The following TOM1L2 variants were observed in gnomAD, a reference collection of about 807,000 sequenced individuals.
The protein encoded by TOM1L2 is target of myb1 like 2 membrane trafficking protein.
Under a neutral mutation model 67.9 loss-of-function variants are expected in TOM1L2, and 31 were observed. The ratio of observed to expected loss-of-function variants is 0.46; its 90% confidence interval spans 0.34 to 0.62. The LOEUF (loss-of-function observed/expected upper bound fraction) is 0.62. Among genes scored for constraint, TOM1L2 ranks in the 20% least tolerant of loss-of-function variants. The probability of loss-of-function intolerance (pLI) is 0.01; values close to 1 mark genes in which losing one functional copy is unlikely to be tolerated. For missense variants in TOM1L2, 606 were observed against 663.5 expected, an observed-to-expected ratio of 0.91 and a Z score of 0.95; for synonymous variants, 256 against 254.0, an observed-to-expected ratio of 1.01 and a Z score of -0.07.
intron 1 of TOM1L2, among the ~76,000 whole-genome samples, chr17:17,965,793 C>T (rs2041852173): frequency 6.6e-6 from 1 of 152,198 alleles, no homozygotes; most frequent in African/African-American, 2.4e-5. Flanking sequence ...CAGTCTCTGG[C>T]ACATAGGAAT....
At chr17:17,869,677 C>G in intron 7 of TOM1L2, 2 of 1,376,622 alleles carry the variant, frequency 1.5e-6, no homozygotes, top group Non-Finnish European at 9.4e-7. Context: ...AGTACTTTTT[C>G]AGCAGACAAA....
chr17:17,882,671 C>T (rs2037784774), intron 6 of TOM1L2, 34 bp downstream of exon 6: 1 of 1,605,320 alleles, frequency 6.2e-7, no homozygotes, highest in South Asian at 1.1e-5. Context: ...GGATAGTCAG[C>T]TGGCTTGCCT....
intron 1 of TOM1L2, among the ~76,000 whole-genome samples, chr17:17,908,026 C>T (rs1568235756): frequency 6.6e-6 from 1 of 152,168 alleles, no homozygotes; most frequent in Admixed American, 6.5e-5. Flanking sequence ...CAGTACTATA[C>T]AGGTATTTGC....
chr17:17,866,801 GGT>G, intron 9 of TOM1L2, 73 bp downstream of exon 9: 1 of 1,387,356 alleles, frequency 7.2e-7, no homozygotes, highest in Non-Finnish European at 1.0e-6. Context: ...AAAAACTGGA[GGT>G]CTCTCCAGCC....
chr17:17,848,763 C>T, intron 14 of TOM1L2, 60 bp downstream of exon 14: 1 of 1,567,038 alleles, frequency 6.4e-7, no homozygotes, highest in Non-Finnish European at 8.8e-7. Flanking sequence ...GGGGCTGGCT[C>T]CTGTGCAGCC....
At chr17:17,964,931 CA>C in intron 1 of TOM1L2, among the ~76,000 whole-genome samples, 1 of 152,268 alleles carries the variant, frequency 6.6e-6, no homozygotes, top group African/African-American at 2.4e-5. Context: ...CTTTCAATGT[CA>C]GGGGTTTTAA....
intron 1 of TOM1L2, among the ~76,000 whole-genome samples, chr17:17,915,841 GT>G (rs34675283): frequency 0.55 from 70,985 of 130,206 alleles, 20,683 homozygotes; most frequent in East Asian, 0.88. Context: ...AACTGAGTAG[GT>G]TTTTTTTTTT....
At position 17,869,351 on chromosome 17, in the gene TOM1L2, A is replaced by G; in HGVS notation, c.900T>C (p.Leu300=). ...AATCCGGCTCCCACCTCTCGTATCG[A>G]AGGAAGACGTTGTTGAGGTCATCGT... ...HVNDDLNNVF[L]RYERFERYRS... is the part of the protein sequence containing the mutation. The change falls in exon 8 of 15, where the codon CTT becomes CTC. Residue 300 remains leucine (L), a synonymous_variant. Transcript: ENST00000379504. 2 of 1,611,504 alleles carry G rather than the reference A, an allele frequency of 1.2e-6. No homozygotes were observed. Among genetic ancestry groups the G allele is most frequent in the Non-Finnish European group, 1.7e-6 (2 of 1,179,896 alleles).
At chr17:17,880,126 G>C (rs1236410126) in intron 6 of TOM1L2, among the ~76,000 whole-genome samples, 1 of 152,200 alleles carries the variant, frequency 6.6e-6, no homozygotes, top group South Asian at 2.1e-4. Flanking sequence ...TCCAAGTGCA[G>C]GAGGGCAGGA....
intron 1 of TOM1L2, among the ~76,000 whole-genome samples, chr17:17,926,035 G>C (rs1325472323): frequency 6.6e-6 from 1 of 151,998 alleles, no homozygotes; most frequent in Non-Finnish European, 1.5e-5. Context: ...GCAGGGCTCA[G>C]TGGCACGCAC....
intron 1 of TOM1L2, among the ~76,000 whole-genome samples, chr17:17,907,914 GC>G (rs1342443984): frequency 5.3e-5 from 8 of 152,292 alleles, no homozygotes; most frequent in African/African-American, 1.7e-4. Context: ...ACTTCTAGGT[GC>G]CAAAGCTAGT....
intron 1 of TOM1L2, among the ~76,000 whole-genome samples, chr17:17,911,327 T>C (rs2039339875): frequency 1.3e-5 from 2 of 152,214 alleles, no homozygotes; most frequent in African/African-American, 4.8e-5. Flanking sequence ...CAGCCCAGCC[T>C]GGCCTACCCT....
intron 8 of TOM1L2, chr17:17,869,089 C>T: frequency 1.7e-6 from 1 of 581,890 alleles, no homozygotes; most frequent in Non-Finnish European, 2.8e-6. Flanking sequence ...AAAGGCAGAG[C>T]AGCCTGAGGC....
chr17:17,966,723 C>T (rs1204074316), intron 1 of TOM1L2, among the ~76,000 whole-genome samples: 1 of 152,146 alleles, frequency 6.6e-6, no homozygotes, highest in Non-Finnish European at 1.5e-5. Context: ...CTCAGAGCCT[C>T]GATTTCCTTA....
At chr17:17,949,556 G>A (rs1390753786) in intron 1 of TOM1L2, among the ~76,000 whole-genome samples, 3 of 152,274 alleles carry the variant, frequency 2.0e-5, no homozygotes, top group Non-Finnish European at 4.4e-5. Flanking sequence ...CACCTGGGGT[G>A]AAGACAGTGG....
At chr17:17,919,847 C>T (rs2039781105) in intron 1 of TOM1L2, among the ~76,000 whole-genome samples, 3 of 152,170 alleles carry the variant, frequency 2.0e-5, no homozygotes, top group Admixed American at 1.3e-4. Flanking sequence ...CCTCATTTAA[C>T]CCTACCATCC....
intron 13 of TOM1L2, among the ~76,000 whole-genome samples, chr17:17,849,471 C>T (rs2143471602): frequency 6.6e-6 from 1 of 152,382 alleles, no homozygotes; most frequent in Non-Finnish European, 1.5e-5. Flanking sequence ...GCACCAGCCT[C>T]CTCCCGTGGC....
intron 13 of TOM1L2, among the ~76,000 whole-genome samples, chr17:17,850,131 C>G (rs1422928937): frequency 6.6e-6 from 1 of 152,194 alleles, no homozygotes; most frequent in Non-Finnish European, 1.5e-5. Flanking sequence ...TGAGGTGTCT[C>G]CAGCTCTGGG....
At chr17:17,946,040 A>G (rs536708059) in intron 1 of TOM1L2, among the ~76,000 whole-genome samples, 4 of 151,130 alleles carry the variant, frequency 2.6e-5, no homozygotes, top group Admixed American at 6.6e-5. Context: ...GCCTGGCTAA[A>G]TTTTTCATAT....
Sources: gnomAD v4.1 joint callset for allele counts (sites outside exome capture counted in the v4.1 genomes callset) on GRCh38, gnomAD v4.1.1 for gene constraint, MANE v1.5 for transcripts, NCBI Gene and HGNC (gene_info 2026-07-23, HGNC 2026-07-21) for gene names.